FAM13A: variants seen among roughly 807,000 people sequenced by gnomAD.
FAM13A encodes the protein family with sequence similarity 13 member A.
FAM13A carries 76 observed loss-of-function variants against 129.6 expected under a neutral mutation model. That is an observed-to-expected ratio of 0.59 (90% CI 0.49 to 0.71). The LOEUF (loss-of-function observed/expected upper bound fraction) is 0.71, where lower values mean the gene tolerates loss of function less well. FAM13A is among the 30% of genes least tolerant of loss of function. The pLI, the probability that FAM13A is intolerant of heterozygous loss-of-function variation, is 0.00. For missense variants in FAM13A, 1,108 were observed against 1,249.3 expected, an observed-to-expected ratio of 0.89 and a Z score of 1.70; for synonymous variants, 443 against 449.9, an observed-to-expected ratio of 0.98 and a Z score of 0.20.
intron 6 of FAM13A, among the ~76,000 whole-genome samples, chr4:88,869,287 T>C (rs1324654962): frequency 6.6e-6 from 1 of 152,252 alleles, no homozygotes; most frequent in Admixed American, 6.5e-5. Context: ...TTAATTACAG[T>C]TGTCCCTGTT....
chr4:88,745,488 A>T (rs1195490055), intron 19 of FAM13A, among the ~76,000 whole-genome samples: 1 of 152,196 alleles, frequency 6.6e-6, no homozygotes, highest in Non-Finnish European at 1.5e-5. Context: ...GAAGTCCTTA[A>T]AGGTGTCTAT....
At chr4:88,848,406 G>A (rs1019246998) in intron 7 of FAM13A, among the ~76,000 whole-genome samples, 17 of 152,276 alleles carry the variant, frequency 1.1e-4, no homozygotes, top group African/African-American at 3.9e-4. Context: ...CCCATTAAGC[G>A]TCTAAACGTG....
chr4:88,816,028 T>A (rs1730651637), intron 7 of FAM13A, among the ~76,000 whole-genome samples: 1 of 151,668 alleles, frequency 6.6e-6, no homozygotes, highest in South Asian at 2.1e-4. Flanking sequence ...TTTGAATAAA[T>A]CTTTATCTTA....
chr4:88,883,011 A>G (rs1466085406), intron 6 of FAM13A, among the ~76,000 whole-genome samples: 1 of 152,154 alleles, frequency 6.6e-6, no homozygotes, highest in Non-Finnish European at 1.5e-5. Context: ...CCAAATTTAT[A>G]AAATAATTAC....
At chr4:89,041,695 T>C (rs951083010) in intron 1 of FAM13A, among the ~76,000 whole-genome samples, 2 of 152,030 alleles carry the variant, frequency 1.3e-5, no homozygotes, top group Non-Finnish European at 1.5e-5. Context: ...CCGAGGGGGA[T>C]GGATCACTTG....
At chr4:88,873,082 T>C (rs1741716055) in intron 6 of FAM13A, among the ~76,000 whole-genome samples, 1 of 152,188 alleles carries the variant, frequency 6.6e-6, no homozygotes, top group Non-Finnish European at 1.5e-5. Flanking sequence ...AGATGTTCTT[T>C]GAAACCAATG....
At chr4:88,799,481 T>C (rs1578711834) in intron 8 of FAM13A, among the ~76,000 whole-genome samples, 1 of 30,774 alleles carries the variant, frequency 3.2e-5, no homozygotes, top group African/African-American at 1.8e-4. Context: ...ACAATTCCAC[T>C]TTTTTTTTTT....
intron 4 of FAM13A, among the ~76,000 whole-genome samples, chr4:88,988,178 GA>G (rs966657116): frequency 2.6e-5 from 4 of 151,336 alleles, no homozygotes; most frequent in South Asian, 2.1e-4. Context: ...CAATGTGGTT[GA>G]AAAAAAAAGT....
intron 4 of FAM13A, among the ~76,000 whole-genome samples, chr4:88,940,505 T>C (rs750406471): frequency 2.6e-5 from 4 of 152,134 alleles, no homozygotes; most frequent in Admixed American, 2.0e-4. Flanking sequence ...AAGAAAGACA[T>C]TGGGAGAACT....
At chr4:88,856,513 A>G (rs1342687023) in intron 6 of FAM13A, among the ~76,000 whole-genome samples, 2 of 151,996 alleles carry the variant, frequency 1.3e-5, no homozygotes, top group Non-Finnish European at 2.9e-5. Flanking sequence ...CAAATAAACA[A>G]AAAACCAAAA....
intron 3 of FAM13A, among the ~76,000 whole-genome samples, chr4:88,995,547 T>C (rs1763438400): frequency 6.6e-6 from 1 of 152,186 alleles, no homozygotes; most frequent in African/African-American, 2.4e-5. Flanking sequence ...CTTCAGCTTC[T>C]GGACCCTTGG....
chr4:88,812,038 T>C lies in FAM13A; in HGVS notation c.1008-6986A>G, dbSNP rs150702903. Among the ~76,000 whole-genome samples the C allele has an allele frequency of 3.3e-5, 5 of 152,240 alleles. No homozygotes were observed. In the South Asian group the frequency reaches 6.2e-4, roughly 19 times the overall value. ...AGTTTGACACTCTCCCCCCTGCTCATTGAGTTCACTGTGTTGCCCTTCTGC... is the reference window on the plus strand; with the variant it reads ...AGTTTGACACTCTCCCCCCTGCTCACTGAGTTCACTGTGTTGCCCTTCTGC... On this transcript the variant is annotated intron_variant, in intron 7 of 23. Transcript: ENST00000264344.
intron 4 of FAM13A, among the ~76,000 whole-genome samples, chr4:88,964,224 T>C (rs1430040522): frequency 2.0e-5 from 3 of 152,222 alleles, no homozygotes; most frequent in African/African-American, 7.2e-5. Flanking sequence ...CAAGAAATAT[T>C]TACCAAACAC....
chr4:89,016,368 T>G (rs1766490359), intron 3 of FAM13A, among the ~76,000 whole-genome samples: 1 of 152,152 alleles, frequency 6.6e-6, no homozygotes, highest in Non-Finnish European at 1.5e-5. Flanking sequence ...AGTTATAAAG[T>G]AAAAAAGTTA....
At chr4:88,957,282 T>C (rs528853529) in intron 4 of FAM13A, among the ~76,000 whole-genome samples, 1 of 151,796 alleles carries the variant, frequency 6.6e-6, no homozygotes, top group Non-Finnish European at 1.5e-5. Flanking sequence ...GCTGAGGAGA[T>C]TGCACCACTG....
intron 1 of FAM13A, among the ~76,000 whole-genome samples, chr4:89,042,133 GA>G: frequency 8.2e-6 from 1 of 122,342 alleles, no homozygotes; most frequent in Middle Eastern, 4.0e-3. Context: ...GGGACCATCA[GA>G]AAAACTCCTT....
At position 88,787,949 on chromosome 4, in the gene FAM13A, CAG is replaced by C. The variant is rs1362568628; in HGVS notation, c.1092-19_1092-18del. 2 of 1,604,306 alleles carry C rather than the reference CAG, an allele frequency of 1.2e-6. No homozygotes were observed. Among genetic ancestry groups the C allele is most frequent in the African/African-American group, 1.3e-5 (1 of 74,506 alleles). The stretch of plus-strand genomic sequence containing the variant: ...TCTAAGAGTCTGGCAAAAAAGAATG[CAG>C]AGTCATTCAAGCAGTCAAGTTCATC... On this transcript the variant is annotated intron_variant, in intron 9 of 23. Transcript: ENST00000264344.
At chr4:88,791,812 A>G (rs1355286970) in intron 8 of FAM13A, among the ~76,000 whole-genome samples, 3 of 152,006 alleles carry the variant, frequency 2.0e-5, no homozygotes, top group African/African-American at 4.8e-5. Context: ...ATCTCTTTCA[A>G]TGTAGAATCT....
chr4:88,832,876 T>C (rs1306438587), intron 7 of FAM13A, among the ~76,000 whole-genome samples: 2 of 152,182 alleles, frequency 1.3e-5, no homozygotes, highest in Non-Finnish European at 2.9e-5. Flanking sequence ...ATCCCATTAG[T>C]GGGTATATAC....
Sources: allele counts gnomAD v4.1 joint callset (sites outside exome capture counted in the v4.1 genomes callset), GRCh38; gene constraint gnomAD v4.1.1; transcripts MANE v1.5; gene names NCBI Gene and HGNC (gene_info 2026-07-23, HGNC 2026-07-21).